The following RIMS2 variants were observed in gnomAD, a reference collection of about 807,000 sequenced individuals.
The protein encoded by RIMS2 is regulating synaptic membrane exocytosis protein 2.
In RIMS2, 59 loss-of-function variants were observed where a neutral mutation model predicts 174.4. The ratio of observed to expected loss-of-function variants is 0.34; its 90% CI spans 0.27 to 0.42. The LOEUF is 0.42. Ranked by LOEUF, RIMS2 falls within the 10% of genes least tolerant of loss-of-function variation. The pLI is 1.00. For synonymous variants in RIMS2, 606 were observed against 572.5 expected (o/e 1.06, Z -0.84); for missense variants, 1,620 against 1,666.3 (o/e 0.97, Z 0.48).
chr8:104,058,039 G>A (rs1486894609), intron 19 of RIMS2, among the ~76,000 whole-genome samples: 1 of 151,864 alleles, frequency 6.6e-6, no homozygotes, highest in South Asian at 2.1e-4. Flanking sequence ...ATGTGTGCAT[G>A]TGTCTTTATA....
chr8:103,958,191 G>A (rs1022116476), intron 14 of RIMS2, among the ~76,000 whole-genome samples: 1 of 152,104 alleles, frequency 6.6e-6, no homozygotes, highest in Non-Finnish European at 1.5e-5. Context: ...AGAAAATGTG[G>A]TACATATACA....
chr8:104,207,397 A>G (rs2099085356), intron 19 of RIMS2, among the ~76,000 whole-genome samples: 2 of 152,184 alleles, frequency 1.3e-5, no homozygotes, highest in East Asian at 1.9e-4. Context: ...GAATAATAAT[A>G]TCCAGCTTTC....
intron 2 of RIMS2, among the ~76,000 whole-genome samples, chr8:103,752,572 A>T (rs1191498431): frequency 1.3e-5 from 2 of 152,162 alleles, no homozygotes; most frequent in African/African-American, 4.8e-5. Flanking sequence ...TGAGCATGGA[A>T]TGTTCTTCCA....
exon 18 of RIMS2, chr8:104,013,480 C>T: frequency 6.2e-7 from 1 of 1,613,796 alleles, no homozygotes; most frequent in Non-Finnish European, 8.5e-7. Flanking sequence ...TATCACAGAT[C>T]CAGATCAACA....
chr8:103,891,575 GT>G (rs1200742086), intron 4 of RIMS2, among the ~76,000 whole-genome samples: 1 of 152,048 alleles, frequency 6.6e-6, no homozygotes, highest in Non-Finnish European at 1.5e-5. Flanking sequence ...GTTGTGGAGA[GT>G]TTTAGTTTCT....
chr8:103,613,792 C>T (rs1365615002), intron 1 of RIMS2, among the ~76,000 whole-genome samples: 2 of 152,148 alleles, frequency 1.3e-5, no homozygotes, highest in African/African-American at 4.8e-5. Flanking sequence ...ATTCTTCCTT[C>T]AAGACACACT....
Position 103,921,788 on chromosome 8 carries a change from T to C in RIMS2, c.2196+4T>C, listed in dbSNP as rs113298211. On this transcript the variant is annotated splice_donor_region_variant and intron_variant, in intron 10 of 23. Transcript: ENST00000504942. ...GTTCTTATCAGGACAACTTTCAGTA[T>C]GTAGTCATTACGTTTACTCTTCTTT... 45 of 1,105,028 alleles carry C rather than the reference T, an allele frequency of 4.1e-5. 2 individuals carry two copies. The highest frequency in any genetic ancestry group is 4.0e-4 in the Middle Eastern group (2 of 5,010). The allele number at this position is 1,105,028 out of a possible 1,614,324, so 68.5% of individuals were successfully genotyped here.
rs527427969 is a variant in RIMS2, at chr8:103,731,280, T to C, written c.387+33984T>C. On this transcript the variant is annotated intron_variant, in intron 2 of 23. Transcript: ENST00000504942. ...TCCCACTTGAAAGATGTCATGCCAC[T>C]GTTTCCTAGTCTATAAGGTTTCCAC... 2.4e-4 allele frequency among the ~76,000 whole-genome samples: 37 copies of C among 152,322 alleles called. 1 individual carries two copies. The highest frequency in any genetic ancestry group is 2.2e-3 in the Admixed American group (34 of 15,302).
intron 16 of RIMS2, among the ~76,000 whole-genome samples, chr8:103,987,620 C>T (rs2094450506): frequency 6.6e-6 from 1 of 152,016 alleles, no homozygotes; most frequent in Non-Finnish European, 1.5e-5. Context: ...AATAGTACTT[C>T]AGGTCCTGAA....
At chr8:103,810,636 T>C (rs2098680924) in intron 3 of RIMS2, among the ~76,000 whole-genome samples, 1 of 152,204 alleles carries the variant, frequency 6.6e-6, no homozygotes, top group South Asian at 2.1e-4. Flanking sequence ...GATGTTTTGA[T>C]ATACATATAG....
Position 103,588,139 on chromosome 8 carries a change from T to C in RIMS2, c.176+87077T>C, listed in dbSNP as rs1479342501. On this transcript the variant is annotated intron_variant, in intron 1 of 23. Transcript: ENST00000504942. ...AAGAGTGTGAAAAAGAAAAAAACAATTCTATTTACAAAAGTGACAAGTAAA... is the reference window on the plus strand; with the variant it reads ...AAGAGTGTGAAAAAGAAAAAAACAACTCTATTTACAAAAGTGACAAGTAAA... 2.0e-5 allele frequency among the ~76,000 whole-genome samples: 3 copies of C among 151,852 alleles called. No homozygotes were observed. The East Asian group carries it at 5.8e-4, about 29-fold the overall frequency.
chr8:103,797,322 G>A (rs544042476), intron 3 of RIMS2, among the ~76,000 whole-genome samples: 2 of 152,164 alleles, frequency 1.3e-5, no homozygotes, highest in South Asian at 4.2e-4. Context: ...ACTTGTCAAT[G>A]TTTCTTTTCT....
At chr8:103,712,822 C>T (rs1400819456) in intron 2 of RIMS2, among the ~76,000 whole-genome samples, 1 of 152,088 alleles carries the variant, frequency 6.6e-6, no homozygotes, top group Non-Finnish European at 1.5e-5. Context: ...GTTAACTTTA[C>T]CCAATTTCTT....
chr8:103,524,192 A>G (rs1362958157), intron 1 of RIMS2, among the ~76,000 whole-genome samples: 1 of 152,042 alleles, frequency 6.6e-6, no homozygotes, highest in Non-Finnish European at 1.5e-5. Flanking sequence ...CATAGGTGTC[A>G]TTGGTATACT....
At chr8:104,141,123 T>TA (rs34629413) in intron 19 of RIMS2, among the ~76,000 whole-genome samples, 2 of 151,700 alleles carry the variant, frequency 1.3e-5, no homozygotes, top group Non-Finnish European at 2.9e-5. Flanking sequence ...ATAACTAGCA[T>TA]AAAAAAAAGA....
chr8:103,605,950 A>G (rs1012246500), intron 1 of RIMS2, among the ~76,000 whole-genome samples: 2 of 147,410 alleles, frequency 1.4e-5, no homozygotes, highest in African/African-American at 5.1e-5. Context: ...TCAAAAAACC[A>G]GCTCCTGGAT....
chr8:104,127,752 G>A (rs1363902744), intron 19 of RIMS2, among the ~76,000 whole-genome samples: 1 of 151,828 alleles, frequency 6.6e-6, no homozygotes, highest in Non-Finnish European at 1.5e-5. Context: ...CAATAAAAAA[G>A]AAATAGAAAT....
chr8:103,706,290 T>C (rs941170242), intron 2 of RIMS2, among the ~76,000 whole-genome samples: 1 of 152,178 alleles, frequency 6.6e-6, no homozygotes, highest in Non-Finnish European at 1.5e-5. Flanking sequence ...GTTGTAGTTA[T>C]TACTTTTGGT....
intron 1 of RIMS2, among the ~76,000 whole-genome samples, chr8:103,523,283 C>T (rs17806104): frequency 0.065 from 9,946 of 152,124 alleles, 401 homozygotes; most frequent in South Asian, 0.088. Context: ...TTTGATTTTG[C>T]ATTGGGCATC....
Sources: allele counts gnomAD v4.1 joint callset (sites outside exome capture counted in the v4.1 genomes callset), GRCh38; gene constraint gnomAD v4.1.1; transcripts MANE v1.5; gene names NCBI Gene and HGNC (gene_info 2026-07-23, HGNC 2026-07-21).